RANBP17: variants seen among roughly 807,000 people sequenced by gnomAD.
The protein encoded by RANBP17 is RAN binding protein 17.
RANBP17 carries 158 observed loss-of-function variants against 141.2 expected under a neutral mutation model. The observed-to-expected ratio is 1.12, with a 90% CI of 0.98 to 1.28. RANBP17 has a LOEUF of 1.28. RANBP17 is among the 50% of genes most tolerant of loss of function. RANBP17 has a pLI of 0.00. For missense variants in RANBP17, 1,438 were observed against 1,290.7 expected, an observed-to-expected ratio of 1.11 and a Z score of -1.75; for synonymous variants, 430 against 450.0, an observed-to-expected ratio of 0.96 and a Z score of 0.56.
At chr5:170,933,583 A>G (rs144298945) in intron 12 of RANBP17, among the ~76,000 whole-genome samples, 111 of 152,288 alleles carry the variant, frequency 7.3e-4, no homozygotes, top group African/African-American at 2.6e-3. Flanking sequence ...ACAATGCTTT[A>G]AATGTGTCCC....
At chr5:171,084,242 G>A (rs552863584) in intron 14 of RANBP17, among the ~76,000 whole-genome samples, 107 of 150,012 alleles carry the variant, frequency 7.1e-4, no homozygotes, top group African/African-American at 2.5e-3. Context: ...ATAGTTTACT[G>A]AGAATGATGA....
At position 170,909,698 on chromosome 5, in the gene RANBP17, T is replaced by G. The variant is rs772114695; in HGVS notation, c.527T>G (p.Ile176Arg). 6.3e-7 allele frequency: 1 copy of G among 1,594,266 alleles called. No individual in the cohort carries two copies. The highest frequency in any genetic ancestry group is 2.3e-5 in the East Asian group (1 of 44,190). Residue 176 changes from isoleucine (I) to arginine (R), a missense_variant, in exon 6 of 28, where the codon ATA (isoleucine) becomes AGA (arginine). Ile to Arg is a moderately conservative substitution (Grantham distance 97). Transcript: ENST00000523189. Reference protein sequence around the residue: ...YSRPSAKHRKIATSFRDTSLK... With the variant: ...YSRPSAKHRKRATSFRDTSLK... ...AGACCTTCAGCAAAACACAGGAAAA[T>G]AGCTACCTCATTTCGTGATACTTCT...
At chr5:171,060,297 G>A (rs1185445900) in intron 14 of RANBP17, among the ~76,000 whole-genome samples, 1 of 138,866 alleles carries the variant, frequency 7.2e-6, no homozygotes, top group Non-Finnish European at 1.6e-5. Context: ...TATTGGCTGT[G>A]GGTTTGTCAT....
intron 14 of RANBP17, among the ~76,000 whole-genome samples, chr5:171,012,223 T>C (rs1780107980): frequency 1.3e-5 from 2 of 151,972 alleles, no homozygotes; most frequent in Admixed American, 6.6e-5. Context: ...TTCAGAGCAA[T>C]GAACTATGGA....
chr5:171,128,108 A>C lies in RANBP17; in HGVS notation c.1711-42022A>C, dbSNP rs533065106. On this transcript the variant is annotated intron_variant, in intron 14 of 27. Transcript: ENST00000523189. ...GGGAGGCAGAGCTTGCAGTGAGCCG[A>C]GATCACACCACTGCACTCCAGCCTG... Among the ~76,000 whole-genome samples, 69 of 152,018 alleles carry C rather than the reference A, an allele frequency of 4.5e-4. 1 individual carries two copies. The highest frequency in any genetic ancestry group is 3.4e-3 in the Middle Eastern group (1 of 294).
intron 14 of RANBP17, among the ~76,000 whole-genome samples, chr5:171,150,340 A>G (rs981455810): frequency 6.6e-6 from 1 of 152,076 alleles, no homozygotes; most frequent in Non-Finnish European, 1.5e-5. Flanking sequence ...TAAATTGTCT[A>G]AATAGGTACT....
chr5:171,234,921 G>T (rs1764441848), intron 22 of RANBP17, among the ~76,000 whole-genome samples: 1 of 152,182 alleles, frequency 6.6e-6, no homozygotes, highest in Non-Finnish European at 1.5e-5. Context: ...TAAGAACTAG[G>T]AATGAGTGTG....
chr5:171,072,060 A>T (rs1011500871), intron 14 of RANBP17, among the ~76,000 whole-genome samples: 1 of 152,146 alleles, frequency 6.6e-6, no homozygotes, highest in African/African-American at 2.4e-5. Context: ...GATAGGAAGA[A>T]TAATGCCCCC....
intron 14 of RANBP17, among the ~76,000 whole-genome samples, chr5:171,017,460 A>G (rs1048566867): frequency 3.3e-5 from 5 of 152,106 alleles, no homozygotes; most frequent in Non-Finnish European, 7.4e-5. Flanking sequence ...CTGGTGTGTT[A>G]TGGTATCTCA....
At chr5:171,247,875 T>C (rs1765303365) in intron 24 of RANBP17, among the ~76,000 whole-genome samples, 1 of 152,004 alleles carries the variant, frequency 6.6e-6, no homozygotes, top group Non-Finnish European at 1.5e-5. Context: ...AACAAACAAA[T>C]ACACATGCCA....
At chr5:171,103,649 GA>G (rs933092410) in intron 14 of RANBP17, among the ~76,000 whole-genome samples, 24 of 149,058 alleles carry the variant, frequency 1.6e-4, no homozygotes, top group African/African-American at 2.2e-4. Flanking sequence ...AGTGGGGTAT[GA>G]AAAAAAAAAC....
intron 14 of RANBP17, among the ~76,000 whole-genome samples, chr5:170,995,359 A>G (rs1199147610): frequency 6.6e-6 from 1 of 152,154 alleles, no homozygotes; most frequent in African/African-American, 2.4e-5. Context: ...TTCAAAGTAA[A>G]TTGTTCTCCA....
intron 12 of RANBP17, among the ~76,000 whole-genome samples, chr5:170,930,353 G>A (rs1337267804): frequency 6.6e-6 from 1 of 150,954 alleles, no homozygotes; most frequent in Non-Finnish European, 1.5e-5. Context: ...TGCATCCCAC[G>A]AGTTTTGTAG....
intron 14 of RANBP17, among the ~76,000 whole-genome samples, chr5:171,132,670 C>T (rs13357161): frequency 3.2e-3 from 492 of 151,908 alleles, no homozygotes; most frequent in African/African-American, 0.011. Flanking sequence ...TACAGTGAAC[C>T]CTGATCACAC....
intron 14 of RANBP17, among the ~76,000 whole-genome samples, chr5:171,098,570 T>C (rs1786880118): frequency 1.3e-5 from 2 of 152,228 alleles, no homozygotes; most frequent in Non-Finnish European, 2.9e-5. Flanking sequence ...GCAAAAATTT[T>C]CTCCCATTCT....
At chr5:170,965,323 G>A (rs758926330) in intron 13 of RANBP17, among the ~76,000 whole-genome samples, 1,862 of 151,176 alleles carry the variant, frequency 0.012, 24 homozygotes, top group Non-Finnish European at 0.021. Context: ...AGTAGGTTGC[G>A]AAAATTTTCT....
intron 14 of RANBP17, among the ~76,000 whole-genome samples, chr5:170,972,695 A>G (rs930308534): frequency 2.6e-5 from 4 of 152,168 alleles, no homozygotes; most frequent in African/African-American, 9.7e-5. Context: ...ATGCATATGT[A>G]AGAGTTTTGT....
intron 25 of RANBP17, among the ~76,000 whole-genome samples, chr5:171,290,150 C>T (rs911918511): frequency 3.3e-5 from 5 of 151,648 alleles, no homozygotes; most frequent in East Asian, 3.9e-4. Context: ...AGGTGGATCA[C>T]GAGGTCAGGA....
intron 16 of RANBP17, among the ~76,000 whole-genome samples, chr5:171,175,308 T>A (rs2127896778): frequency 6.6e-6 from 1 of 152,338 alleles, no homozygotes; most frequent in South Asian, 2.1e-4. Context: ...CCTTTGGGTA[T>A]ATACCCAGTA....
Sources: gnomAD v4.1 joint callset for allele counts (sites outside exome capture counted in the v4.1 genomes callset) on GRCh38, gnomAD v4.1.1 for gene constraint, MANE v1.5 for transcripts, NCBI Gene and HGNC (gene_info 2026-07-23, HGNC 2026-07-21) for gene names.